The following USP31 variants were observed in gnomAD, a reference collection of about 807,000 sequenced individuals.
USP31 encodes the protein ubiquitin specific peptidase 31, also known as ubiquitin carboxyl-terminal hydrolase 31.
USP31 carries 44 observed loss-of-function variants against 119.4 expected under a neutral mutation model. The ratio of observed to expected loss-of-function variants is 0.37; its 90% CI spans 0.29 to 0.47. The LOEUF is 0.47. Among genes scored for constraint, USP31 ranks in the 20% least tolerant of loss-of-function variants. USP31 has a pLI of 0.99. For synonymous variants in USP31, 749 were observed against 705.6 expected, an observed-to-expected ratio of 1.06 and a Z score of -0.97; for missense variants, 1,643 against 1,730.2, an observed-to-expected ratio of 0.95 and a Z score of 0.89.
At position 23,108,147 on chromosome 16, in the gene USP31, T is replaced by C; in HGVS notation, c.670A>G (p.Asn224Asp). 6.2e-7 allele frequency: 1 copy of C among 1,613,960 alleles called. No homozygotes were observed. The highest frequency in any genetic ancestry group is 8.5e-7 in the Non-Finnish European group (1 of 1,179,924). The change falls in exon 2 of 16, where the codon AAT becomes GAT. Residue 224 changes from asparagine to aspartate, a missense_variant. Physicochemically the swap from Asn to Asp is conservative, Grantham distance 23. This residue lies in a region of USP31 where 144 missense variants were observed against 218.0 expected (regional missense o/e 0.66). Coordinates refer to ENST00000219689, the MANE Select transcript of USP31 (RefSeq NM_020718.4). Reference sequence around the variant, plus strand: ...AACTCCTGGGCATCATGTTGGGAATTTCCCCGGTACTGCAGTGCATTCTTT... The same window carrying C: ...AACTCCTGGGCATCATGTTGGGAATCTCCCCGGTACTGCAGTGCATTCTTT... ...VSKNALQYRG[N>D]SQHDAQEFLL...
intron 1 of USP31, among the ~76,000 whole-genome samples, chr16:23,114,452 GAAAAAAAA>G (rs917531470): frequency 1.1e-5 from 1 of 89,998 alleles, no homozygotes; most frequent in Non-Finnish European, 2.4e-5. Flanking sequence ...GAAAAAATAG[GAAAAAAAA>G]AAAAAAAAAG....
chr16:23,101,296 C>A (rs574242322), intron 6 of USP31, among the ~76,000 whole-genome samples: 1 of 152,176 alleles, frequency 6.6e-6, no homozygotes, highest in East Asian at 1.9e-4. Flanking sequence ...AAGCTTGGAT[C>A]CAGTTTGAGT....
chr16:23,095,210 C>T (rs907397997), intron 6 of USP31, among the ~76,000 whole-genome samples: 6 of 152,112 alleles, frequency 3.9e-5, no homozygotes, highest in African/African-American at 1.4e-4. Flanking sequence ...GCACAAGCTT[C>T]AATAGCCAAT....
In USP31 at chr16:23,090,774, A is replaced by C; in HGVS notation, c.1265T>G (p.Leu422Trp). 1.0e-5 allele frequency: 16 copies of C among 1,607,270 alleles called. No individual in the cohort carries two copies. The highest frequency in any genetic ancestry group is 1.3e-5 in the Non-Finnish European group (15 of 1,174,826). ...TCTATGATAATCCAAGCCAAATTTC[A>C]AGTGGTTTAGGTTGTTGTTTAAATG... ...GIHLNNNLNH[L>W]KFGLDYHRLS... Residue 422 changes from leucine (L) to tryptophan (W), a missense_variant, in exon 7 of 16, where the codon TTG becomes TGG. Around this residue, in one of 5 missense-constraint regions of USP31, gnomAD observed 219 missense variants for 226.4 expected, o/e 0.97. Coordinates refer to ENST00000219689, the MANE Select transcript of USP31 (RefSeq NM_020718.4).
At chr16:23,083,530 G>A (rs1900932964) in intron 11 of USP31, among the ~76,000 whole-genome samples, 1 of 149,988 alleles carries the variant, frequency 6.7e-6, no homozygotes, top group Non-Finnish European at 1.5e-5. Context: ...GAATACCAGT[G>A]CTGCCATCTA....
chr16:23,073,897 G>T lies in USP31; in HGVS notation c.2177-17C>A, dbSNP rs181196244. ...TACAGTACGCTGCCAAAGAGAGCCC[G>T]CCATCAGCACCAGGGGAGGCTGCAC... On this transcript the variant is annotated splice_polypyrimidine_tract_variant and intron_variant, in intron 13 of 15. Transcript: ENST00000219689. 3.7e-5 allele frequency: 59 copies of T among 1,613,236 alleles called. No individual in the cohort carries two copies. The East Asian group carries it at 1.3e-3, about 36-fold the overall frequency.
chr16:23,100,752 A>G (rs981886350), intron 6 of USP31, among the ~76,000 whole-genome samples: 3 of 152,180 alleles, frequency 2.0e-5, no homozygotes, highest in African/African-American at 4.8e-5. Context: ...AAAAGAAAAA[A>G]AGAGAGAGAG....
At position 23,082,549 on chromosome 16, in the gene USP31, G is replaced by A. The variant is rs768644136; in HGVS notation, c.1839C>T (p.Pro613=). Reference sequence around the variant, plus strand: ...AGTGTGGGCAACGCCAGGCATCATCGGGGGCAAGCTGAAAACAGAAGCATG... The same window carrying A: ...AGTGTGGGCAACGCCAGGCATCATCAGGGGCAAGCTGAAAACAGAAGCATG... ...QLYTKEERLA[P]DDAWRCPHCK... The change falls in exon 12 of 16, where the codon CCC becomes CCT. Residue 613 remains proline, a synonymous_variant. Transcript: ENST00000219689. The A allele has an allele frequency of 8.1e-6, 13 of 1,614,082 alleles. No homozygotes were observed. The highest frequency in any genetic ancestry group is 4.5e-5 in the East Asian group (2 of 44,870).
chr16:23,093,115 T>C (rs1405330637), intron 6 of USP31, among the ~76,000 whole-genome samples: 2 of 152,162 alleles, frequency 1.3e-5, no homozygotes, highest in African/African-American at 4.8e-5. Flanking sequence ...CTTTATGACC[T>C]TGGATGTGGT....
chr16:23,087,384 A>G (rs977683314), intron 8 of USP31, among the ~76,000 whole-genome samples, 198 bp from the exon 9 acceptor site: 3 of 152,258 alleles, frequency 2.0e-5, no homozygotes, highest in African/African-American at 7.2e-5. Context: ...TACGTATCAA[A>G]TATGTTATGC....
chr16:23,099,870 A>ATT, intron 6 of USP31, among the ~76,000 whole-genome samples: 1 of 152,378 alleles, frequency 6.6e-6, no homozygotes, highest in South Asian at 2.1e-4. Context: ...TGGGTAAAAT[A>ATT]TTTGAATGGA....
At chr16:23,069,984 C>T (rs970744922) in intron 15 of USP31, among the ~76,000 whole-genome samples, 3 of 152,312 alleles carry the variant, frequency 2.0e-5, no homozygotes, top group South Asian at 2.1e-4. Flanking sequence ...ACAGGTGACA[C>T]GTAAGAAAAC....
chr16:23,074,943 T>C (rs182522241), intron 13 of USP31, among the ~76,000 whole-genome samples: 2 of 152,292 alleles, frequency 1.3e-5, no homozygotes, highest in South Asian at 2.1e-4. Flanking sequence ...AGCTGAATGC[T>C]GGAACAGACT....
At chr16:23,136,372 G>A (rs149192928) in intron 1 of USP31, among the ~76,000 whole-genome samples, 3 of 152,278 alleles carry the variant, frequency 2.0e-5, no homozygotes, top group Non-Finnish European at 4.4e-5. Flanking sequence ...TAAAAACTTG[G>A]CTGGGCACGG....
In USP31 at chr16:23,127,988, T is replaced by C. The variant is rs574164713; in HGVS notation, c.634-19805A>G. Among the ~76,000 whole-genome samples, 37 of 152,262 alleles carry C rather than the reference T, an allele frequency of 2.4e-4. 1 individual carries two copies. In the South Asian group the frequency reaches 7.5e-3, roughly 31 times the overall value. ...ATTATTATTCTGAGACTTAGGAGCA[T>C]ACTGTGGGATAAGGCAAATGAGAAT... On this transcript the variant is annotated intron_variant, in intron 1 of 15. Coordinates refer to ENST00000219689, the MANE Select transcript of USP31 (RefSeq NM_020718.4).
chr16:23,118,307 T>C (rs1316427524), intron 1 of USP31, among the ~76,000 whole-genome samples: 3 of 152,196 alleles, frequency 2.0e-5, no homozygotes, highest in Non-Finnish European at 2.9e-5. Context: ...TGATACTACA[T>C]AATCCTTAAA....
chr16:23,083,212 T>C (rs998280629), intron 11 of USP31, among the ~76,000 whole-genome samples: 1 of 152,218 alleles, frequency 6.6e-6, no homozygotes, highest in Non-Finnish European at 1.5e-5. Flanking sequence ...CCTGCTCTCA[T>C]GGAGCATATA....
chr16:23,078,035 C>G (rs558181085), intron 13 of USP31, among the ~76,000 whole-genome samples: 131 of 152,088 alleles, frequency 8.6e-4, no homozygotes, highest in African/African-American at 2.9e-3. Context: ...ATTTATAGGC[C>G]GGGCGCAGTG....
At chr16:23,142,619 C>T (rs909388251) in intron 1 of USP31, among the ~76,000 whole-genome samples, 1 of 152,170 alleles carries the variant, frequency 6.6e-6, no homozygotes, top group African/African-American at 2.4e-5. Flanking sequence ...CAACCTCTAG[C>T]TAGTGGGTGA....
Sources: gnomAD v4.1 joint callset for allele counts (sites outside exome capture counted in the v4.1 genomes callset) on GRCh38, gnomAD v4.1.1 for gene constraint, gnomAD v4.1.1 regional missense constraint, MANE v1.5 for transcripts, NCBI Gene and HGNC (gene_info 2026-07-23, HGNC 2026-07-21) for gene names.